Variants in ODF2 observed in about 807,000 individuals in gnomAD.
The protein encoded by ODF2 is outer dense fiber of sperm tails 2, also known as outer dense fiber protein 2.
ODF2 carries 47 observed loss-of-function variants against 110.2 expected under a neutral mutation model. The observed-to-expected ratio is 0.43, with a 90% CI of 0.34 to 0.54. ODF2 has a LOEUF of 0.54. Among genes scored for constraint, ODF2 ranks in the 20% least tolerant of loss-of-function variants. ODF2 has a pLI of 0.03. For synonymous variants in ODF2, 352 were observed against 397.7 expected (o/e 0.89, Z 1.37); for missense variants, 812 against 1,054.5 (o/e 0.77, Z 3.19).
chr9:128,458,435 C>G, intron 2 of ODF2, among the ~76,000 whole-genome samples: 1 of 146,892 alleles, frequency 6.8e-6, no homozygotes, highest in Non-Finnish European at 1.5e-5. Flanking sequence ...GCACTCCAGC[C>G]TGGGCGACAG....
intron 13 of ODF2, 82 bp from the exon 14 acceptor site, chr9:128,487,807 AC>A (rs148902913): frequency 0.61 from 837,368 of 1,374,156 alleles, 216,010 homozygotes; most frequent in Non-Finnish European, 0.63. Context: ...CAAACAAAAC[AC>A]ACACACACAC....
At chr9:128,478,246 C>T (rs1018944005) in intron 8 of ODF2, among the ~76,000 whole-genome samples, 2 of 152,166 alleles carry the variant, frequency 1.3e-5, no homozygotes, top group Admixed American at 1.3e-4. Flanking sequence ...GATCTGTCTG[C>T]CTCGGCTTCT....
At chr9:128,456,719 C>G in intron 1 of ODF2, 1 of 1,366,450 alleles carries the variant, frequency 7.3e-7, no homozygotes, top group Non-Finnish European at 9.4e-7. Flanking sequence ...AGCGCTGTCC[C>G]CCGGGCACCG....
intron 10 of ODF2, among the ~76,000 whole-genome samples, chr9:128,483,112 T>G (rs1329774401): frequency 6.6e-6 from 1 of 152,082 alleles, no homozygotes; most frequent in Non-Finnish European, 1.5e-5. Flanking sequence ...GCCAGGATGG[T>G]CTTGATCTCT....
At chr9:128,456,250 C>A (rs1045647393) in exon 1 of ODF2, 1 of 1,539,216 alleles carries the variant, frequency 6.5e-7, no homozygotes, top group Admixed American at 2.0e-5. Flanking sequence ...AGCCGTGTCG[C>A]TCCTGGTGAG....
intron 8 of ODF2, among the ~76,000 whole-genome samples, chr9:128,477,986 AGAGG>A (rs1841668168): frequency 6.6e-6 from 1 of 151,710 alleles, no homozygotes; most frequent in Non-Finnish European, 1.5e-5. Flanking sequence ...CCCTCCCCTC[AGAGG>A]GAAGCTTTAT....
chr9:128,456,996 C>A (rs1588666553), intron 1 of ODF2: 1 of 1,252,562 alleles, frequency 8.0e-7, no homozygotes, highest in South Asian at 1.6e-5. Flanking sequence ...CCCTCTGGGG[C>A]CCACTTGGGG....
chr9:128,498,999 A>G lies in ODF2; in HGVS notation c.2176-2A>G, dbSNP rs1175155030. 3 of 1,614,042 alleles carry G rather than the reference A, an allele frequency of 1.9e-6. No homozygotes were observed. Among genetic ancestry groups the G allele is most frequent in the Non-Finnish European group, 2.5e-6 (3 of 1,179,936 alleles). On this transcript the variant is annotated splice_acceptor_variant, in intron 19 of 20. Coordinates refer to ENST00000604420, the Ensembl canonical transcript of ODF2. LOFTEE classifies it high-confidence loss of function. ...CTCATGTCTGGGCCTTTGAATGTGCAGGTGGAACAAACCAAGGAGCACGCA... is the reference window on the plus strand; with the variant it reads ...CTCATGTCTGGGCCTTTGAATGTGCGGGTGGAACAAACCAAGGAGCACGCA...
chr9:128,456,916 C>T (rs897280633), intron 1 of ODF2: 16 of 1,260,452 alleles, frequency 1.3e-5, no homozygotes, highest in Admixed American at 3.5e-5. Context: ...TCTTCCGTAA[C>T]GCCCCTTCTC....
exon 2 of ODF2, chr9:128,457,336 G>T (rs1164497843): frequency 6.2e-7 from 1 of 1,611,042 alleles, no homozygotes. Context: ...TGACAAGCCT[G>T]CCCCTCTGGG....
intron 13 of ODF2, among the ~76,000 whole-genome samples, chr9:128,487,067 CCTCTCTCT>C (rs753320019): frequency 1.3e-5 from 2 of 150,692 alleles, no homozygotes; most frequent in Non-Finnish European, 3.0e-5. Context: ...GGTACACATC[CCTCTCTCT>C]CTCTCTCTCT....
In ODF2 at chr9:128,459,606, G is replaced by T. The variant is rs562607147; in HGVS notation, c.72G>T (p.Thr24=). ...GGAAGAACGGAGTAACGAGTCTCAC[G>T]CAGAAAAAGGTCTTGAGAGCACCTT... The change falls in exon 3 of 21, where the codon ACG becomes ACT. Residue 24 remains threonine, a synonymous_variant. Transcript: ENST00000604420. 11 of 1,613,970 alleles carry T rather than the reference G, an allele frequency of 6.8e-6. No homozygotes were observed. The South Asian group carries it at 1.2e-4, about 18-fold the overall frequency.
chr9:128,500,300 T>A (rs1452799278), exon 21 of ODF2: 3 of 1,596,134 alleles, frequency 1.9e-6, no homozygotes, highest in South Asian at 2.2e-5. Flanking sequence ...CCATAGGAAC[T>A]CCAGAGTTGC....
At chr9:128,475,511 C>T (rs1359527049) in intron 8 of ODF2, among the ~76,000 whole-genome samples, 1 of 152,162 alleles carries the variant, frequency 6.6e-6, no homozygotes, top group African/African-American at 2.4e-5. Context: ...CAAGTATACA[C>T]ATCAGTAACT....
rs1554857542 is a variant in ODF2 at position 128,497,446 on chromosome 9, A to AAAAAAAAAACATAT, written c.2013-966_2013-965insAAAAAAAACATATA. The AAAAAAAAAACATAT allele has an allele frequency of 3.1e-4, 13 of 42,598 alleles. 3 individuals carry two copies. Among genetic ancestry groups the AAAAAAAAAACATAT allele is most frequent in the African/African-American group, 1.9e-3 (13 of 6,696 alleles). 2.6% of individuals were successfully genotyped at this position (42,598 alleles called of 1,614,324 possible). ...ACTAAAAAAAAAAAAAAAAAAAAAA[A>AAAAAAAAAACATAT]ATATATATATATATATATATATATA... On this transcript the variant is annotated intron_variant, in intron 18 of 20. Coordinates refer to ENST00000604420, the Ensembl canonical transcript of ODF2.
chr9:128,497,449 ATATATATATATATATATATATATAT>A lies in ODF2; in HGVS notation c.2013-963_2013-939del, dbSNP rs1845830268. On this transcript the variant is annotated intron_variant, in intron 18 of 20. Coordinates refer to ENST00000604420, the Ensembl canonical transcript of ODF2. ...AAAAAAAAAAAAAAAAAAAAAAAAT[ATATATATATATATATATATATATAT>A]ATATATATATATGTATAAAATTAGC... 1.5e-4 allele frequency: 8 copies of A among 52,136 alleles called. No individual in the cohort carries two copies. The South Asian group carries it at 2.0e-3, about 13-fold the overall frequency. 3.2% of individuals were successfully genotyped at this position (52,136 alleles called of 1,614,324 possible).
intron 9 of ODF2, among the ~76,000 whole-genome samples, 174 bp from the exon 10 acceptor site, chr9:128,482,642 T>A (rs1162208463): frequency 2.0e-5 from 3 of 152,196 alleles, no homozygotes; most frequent in African/African-American, 7.2e-5. Context: ...GTTCATTGTT[T>A]TAAAAAAATG....
At chr9:128,477,894 C>T (rs1350938082) in intron 8 of ODF2, among the ~76,000 whole-genome samples, 4 of 151,796 alleles carry the variant, frequency 2.6e-5, no homozygotes, top group South Asian at 2.1e-4. Flanking sequence ...CCATTGTGCC[C>T]GGCCACTCAC....
intron 18 of ODF2, chr9:128,497,447 ATATATATATATATATATAT>A (rs1173547812): frequency 2.6e-4 from 10 of 37,868 alleles, no homozygotes; most frequent in South Asian, 1.1e-3. Context: ...AAAAAAAAAA[ATATATATATATATATATAT>A]ATATATATAT....
Sources: allele counts gnomAD v4.1 joint callset (sites outside exome capture counted in the v4.1 genomes callset), GRCh38; gene constraint gnomAD v4.1.1; transcripts MANE v1.5; gene names NCBI Gene and HGNC (gene_info 2026-07-23, HGNC 2026-07-21).